Variants in TMEM116 observed in about 807,000 individuals in gnomAD.
TMEM116 encodes the protein transmembrane protein 116.
Under a neutral mutation model 44.3 loss-of-function variants are expected in TMEM116, and 38 were observed. The observed-to-expected ratio is 0.86, with a 90% CI of 0.66 to 1.12. TMEM116 has a LOEUF of 1.12. TMEM116 is among the 50% of genes most tolerant of loss of function. The pLI is 0.00. For synonymous variants in TMEM116, 132 were observed against 144.8 expected (o/e 0.91, Z 0.64); for missense variants, 354 against 401.7 (o/e 0.88, Z 1.01).
At chr12:111,991,217 CAAAA>C (rs59103081) in intron 4 of TMEM116, among the ~76,000 whole-genome samples, 19,923 of 62,356 alleles carry the variant, frequency 0.32, 1,619 homozygotes, top group Middle Eastern at 0.39. Flanking sequence ...GACTCTGTCT[CAAAA>C]AAAAAAAAAA....
In TMEM116 at chr12:111,967,218, C is replaced by A. The variant is rs148060858; in HGVS notation, c.211-23849G>T. On this transcript the variant is annotated intron_variant, in intron 4 of 10. Coordinates refer to ENST00000552374, the MANE Select transcript of TMEM116 (RefSeq NM_001193531.2). ...AAAAAATTGATAAATATAAAAACAA[C>A]TTCCTCGAAATCATACAGATTCTTA... 2.3e-4 allele frequency among the ~76,000 whole-genome samples: 35 copies of A among 152,254 alleles called. No individual in the cohort carries two copies. In the East Asian group the frequency reaches 3.5e-3, roughly 15 times the overall value.
At chr12:111,997,719 A>G (rs1593628612) in intron 3 of TMEM116, among the ~76,000 whole-genome samples, 1 of 149,694 alleles carries the variant, frequency 6.7e-6, no homozygotes, top group Non-Finnish European at 1.5e-5. Flanking sequence ...CCAAACCAGA[A>G]AAAGAGGTAA....
intron 1 of TMEM116, chr12:112,006,085 T>C (rs2077568532): frequency 7.4e-6 from 4 of 538,242 alleles, no homozygotes; most frequent in Non-Finnish European, 7.1e-6. Flanking sequence ...GCTCCACCCC[T>C]ATCCCAGCTG....
At chr12:111,938,709 G>T (rs2072398652) in intron 5 of TMEM116, among the ~76,000 whole-genome samples, 2 of 152,226 alleles carry the variant, frequency 1.3e-5, no homozygotes, top group East Asian at 3.9e-4. Flanking sequence ...ATGCCCTTTG[G>T]ATATAAGACT....
At chr12:111,934,559 A>T (rs779094732) in intron 8 of TMEM116, 2 of 152,374 alleles carry the variant, frequency 1.3e-5, no homozygotes, top group Non-Finnish European at 2.9e-5. Flanking sequence ...CAGGAGTTCA[A>T]GACAGCCTGA....
chr12:111,993,739 G>A lies in TMEM116; in HGVS notation c.79-1850C>T, dbSNP rs186213860. ...CAAGTTTGTGGTTCGGAAGCCCTGT[G>A]GTGAATGTTCAAAGACAGAGGAGCT... is the stretch of plus-strand genomic sequence containing the variant. On this transcript the variant is annotated intron_variant, in intron 3 of 10. Transcript: ENST00000552374. The A allele has an allele frequency of 3.3e-5, 22 of 675,806 alleles. No homozygotes were observed. In the East Asian group the frequency reaches 6.1e-4, roughly 19 times the overall value. The allele number at this position is 675,806 out of a possible 1,614,324, so 41.9% of individuals were successfully genotyped here.
At chr12:111,978,490 C>T (rs2136510874) in intron 4 of TMEM116, among the ~76,000 whole-genome samples, 1 of 152,214 alleles carries the variant, frequency 6.6e-6, no homozygotes, top group South Asian at 2.1e-4. Context: ...CAGAGATATA[C>T]CACATGTTAT....
intron 4 of TMEM116, among the ~76,000 whole-genome samples, chr12:111,944,024 C>G (rs984294731): frequency 1.2e-4 from 18 of 152,004 alleles, no homozygotes; most frequent in Admixed American, 7.9e-4. Flanking sequence ...ATTTCTACTT[C>G]TAGTAATGAC....
intron 4 of TMEM116, among the ~76,000 whole-genome samples, chr12:111,951,174 T>C (rs2073706224): frequency 6.6e-6 from 1 of 152,204 alleles, no homozygotes. Flanking sequence ...CCACAGATGC[T>C]GGTGAGGTTG....
intron 4 of TMEM116, among the ~76,000 whole-genome samples, chr12:111,955,015 G>C (rs1419030885): frequency 6.6e-6 from 1 of 152,198 alleles, no homozygotes; most frequent in Non-Finnish European, 1.5e-5. Context: ...AAGGTAGCCA[G>C]ATTCTCTTAT....
chr12:111,946,612 G>A (rs1263479794), intron 4 of TMEM116, among the ~76,000 whole-genome samples: 2 of 152,154 alleles, frequency 1.3e-5, no homozygotes, highest in African/African-American at 4.8e-5. Context: ...CTTCAGCGTG[G>A]GCGTCATGGC....
At chr12:112,000,830 T>C in intron 3 of TMEM116, 1 of 501,746 alleles carries the variant, frequency 2.0e-6, no homozygotes, top group Non-Finnish European at 4.1e-6. Context: ...TACGGTTCAT[T>C]AGCTGAGATT....
intron 5 of TMEM116, among the ~76,000 whole-genome samples, chr12:111,939,471 A>G (rs2072478522): frequency 6.7e-6 from 1 of 149,668 alleles, no homozygotes; most frequent in African/African-American, 2.5e-5. Flanking sequence ...AAAAAAAAAA[A>G]AGTTTATGGC....
rs760636456 is a variant in TMEM116, at chr12:111,936,802, C to T, written c.478G>A (p.Ala160Thr). The T allele has an allele frequency of 2.1e-5, 34 of 1,610,628 alleles. No homozygotes were observed. Among genetic ancestry groups the T allele is most frequent in the Non-Finnish European group, 2.5e-5 (30 of 1,178,378 alleles). ...KCILMHSPPS[A>T]MAELPPSANT... ...GCAGAAGGTGGAAGTTCAGCCATGG[C>T]TGATGGTGGTGAGTGCATCAAGATA... The change falls in exon 8 of 11, where the codon GCC (alanine) becomes ACC (threonine). Residue 160 changes from alanine (A) to threonine (T), a missense_variant. Coordinates refer to ENST00000552374, the MANE Select transcript of TMEM116 (RefSeq NM_001193531.2).
At chr12:112,007,175 G>A (rs956257708) in intron 1 of TMEM116, among the ~76,000 whole-genome samples, 6 of 152,184 alleles carry the variant, frequency 3.9e-5, no homozygotes, top group African/African-American at 1.4e-4. Flanking sequence ...AGCACTTTGG[G>A]AGGCCAAGTC....
At chr12:111,960,264 T>C (rs905657319) in intron 4 of TMEM116, among the ~76,000 whole-genome samples, 2 of 150,454 alleles carry the variant, frequency 1.3e-5, no homozygotes, top group Non-Finnish European at 3.0e-5. Flanking sequence ...CTGAGGCGGG[T>C]AGATCACAAG....
upstream of TMEM116, chr12:112,013,201 G>A (rs562877785): frequency 4.7e-5 from 20 of 423,146 alleles, no homozygotes; most frequent in South Asian, 8.8e-4. Context: ...GAGTGCGCGC[G>A]CGCAGGAGCC....
In TMEM116 at chr12:111,991,860, A is replaced by ACAGAAGCTCAGATAAAAAAGTGGT; in HGVS notation, c.84_107dup (p.Phe35_Cys36insTer). The ACAGAAGCTCAGATAAAAAAGTGGT allele has an allele frequency of 6.5e-7, 1 of 1,536,046 alleles. No individual in the cohort carries two copies. The highest frequency in any genetic ancestry group is 8.7e-7 in the Non-Finnish European group (1 of 1,146,594). ...GCCAGCAAAGTCCCAGGAGCAGGTC[A>ACAGAAGCTCAGATAAAAAAGTGGT]CAGAAGCTCAGATAAAAAAGTGGTC... On this transcript the variant is annotated stop_gained, in exon 4 of 11. Coordinates refer to ENST00000552374, the MANE Select transcript of TMEM116 (RefSeq NM_001193531.2). LOFTEE classifies it high-confidence loss of function.
intron 4 of TMEM116, among the ~76,000 whole-genome samples, chr12:111,990,397 A>G (rs1000213077): frequency 1.3e-5 from 2 of 152,196 alleles, no homozygotes; most frequent in African/African-American, 4.8e-5. Flanking sequence ...CAGGTCCAGG[A>G]TTCTAATACA....
Sources: gnomAD v4.1 joint callset for allele counts (sites outside exome capture counted in the v4.1 genomes callset) on GRCh38, gnomAD v4.1.1 for gene constraint, MANE v1.5 for transcripts, NCBI Gene and HGNC (gene_info 2026-07-23, HGNC 2026-07-21) for gene names.